CSNK2A2: variants seen among roughly 807,000 people sequenced by gnomAD.
CSNK2A2 encodes the protein casein kinase 2 alpha 2, also known as casein kinase II subunit alpha'.
In CSNK2A2, 8 loss-of-function variants were observed where a neutral mutation model predicts 54.0. That is an observed-to-expected ratio of 0.15 (90% CI 0.09 to 0.27). CSNK2A2 has a LOEUF of 0.27. Among genes scored for constraint, CSNK2A2 ranks in the 10% least tolerant of loss-of-function variants. The pLI is 1.00. For synonymous variants in CSNK2A2, 141 were observed against 153.9 expected (o/e 0.92, Z 0.62); for missense variants, 242 against 439.4 (o/e 0.55, Z 4.02).
At position 58,167,215 on chromosome 16, in the gene CSNK2A2, A is replaced by G. The variant is rs1214155978; in HGVS notation, c.718T>C (p.Tyr240His). 3.1e-6 allele frequency: 5 copies of G among 1,610,892 alleles called. No homozygotes were observed. The African/African-American group carries it at 6.7e-5, about 22-fold the overall frequency. ...REPFFHGQDN[Y>H]DQLVRIAKVL... ...AGAAAGCATTTGCTCACCTGGTCAT[A>G]GTTGTCCTGTCCATGGAAGAATGGT... Residue 240 changes from tyrosine to histidine, a missense_variant, in exon 8 of 12, where the codon TAT (tyrosine) becomes CAT (histidine). Transcript: ENST00000262506.
At chr16:58,182,249 G>T (rs1962060324) in intron 4 of CSNK2A2, among the ~76,000 whole-genome samples, 2 of 151,592 alleles carry the variant, frequency 1.3e-5, no homozygotes, top group Non-Finnish European at 2.9e-5. Context: ...ACAGAAAATG[G>T]GCTAGGTGCG....
intron 5 of CSNK2A2, 140 bp from the exon 6 acceptor site, chr16:58,168,833 A>C: frequency 3.1e-6 from 2 of 642,014 alleles, no homozygotes; most frequent in Non-Finnish European, 5.4e-6. Context: ...GAAAGAGAAA[A>C]AAAGCGTGCT....
chr16:58,188,522 A>G (rs1173862008), intron 2 of CSNK2A2, among the ~76,000 whole-genome samples: 1 of 152,258 alleles, frequency 6.6e-6, no homozygotes, highest in Non-Finnish European at 1.5e-5. Context: ...AACTGAATGT[A>G]ACACATGACT....
chr16:58,174,831 T>A (rs147733692), intron 4 of CSNK2A2, among the ~76,000 whole-genome samples: 1 of 152,300 alleles, frequency 6.6e-6, no homozygotes, highest in African/African-American at 2.4e-5. Context: ...AAGTCTAAGT[T>A]GTCTGTCTTC....
At chr16:58,171,100 T>C (rs879568677) in intron 5 of CSNK2A2, among the ~76,000 whole-genome samples, 5 of 152,094 alleles carry the variant, frequency 3.3e-5, no homozygotes, top group Non-Finnish European at 5.9e-5. Flanking sequence ...AACTAGACTC[T>C]TGAGGACACT....
At chr16:58,174,213 G>C (rs1422540987) in intron 5 of CSNK2A2, 1 of 378,168 alleles carries the variant, frequency 2.6e-6, no homozygotes, top group Non-Finnish European at 4.7e-6. Flanking sequence ...CAAGAGCTAT[G>C]GGAGGTTCTA....
chr16:58,187,933 A>G (rs1962232342), intron 2 of CSNK2A2, among the ~76,000 whole-genome samples: 1 of 152,218 alleles, frequency 6.6e-6, no homozygotes, highest in Admixed American at 6.5e-5. Flanking sequence ...CTAAGGAAAA[A>G]AGAGTATTTT....
intron 11 of CSNK2A2, chr16:58,159,811 T>A (rs1407322914): frequency 6.6e-6 from 1 of 152,206 alleles, no homozygotes; most frequent in African/African-American, 2.4e-5. Flanking sequence ...AGTTTTCCAC[T>A]AGTTGTCAAG....
chr16:58,191,363 T>G (rs1369307587), intron 2 of CSNK2A2, among the ~76,000 whole-genome samples: 4 of 151,832 alleles, frequency 2.6e-5, no homozygotes, highest in East Asian at 1.9e-4. Flanking sequence ...TTTATGTTAT[T>G]TTATTTTATT....
At chr16:58,168,374 C>T (rs1449427124) in intron 6 of CSNK2A2, among the ~76,000 whole-genome samples, 6 of 152,174 alleles carry the variant, frequency 3.9e-5, no homozygotes, top group Non-Finnish European at 7.4e-5. Flanking sequence ...CTCCAGAAAA[C>T]TATGACCAAA....
At chr16:58,193,044 T>G (rs1962355193) in intron 2 of CSNK2A2, among the ~76,000 whole-genome samples, 4 of 152,250 alleles carry the variant, frequency 2.6e-5, no homozygotes, top group African/African-American at 7.2e-5. Context: ...TTTTTAATGT[T>G]AGCAATACTT....
chr16:58,185,921 C>T (rs1475688626), intron 3 of CSNK2A2, among the ~76,000 whole-genome samples: 3 of 152,218 alleles, frequency 2.0e-5, no homozygotes, highest in African/African-American at 7.2e-5. Flanking sequence ...TTGGAATGTG[C>T]CCAGCACATA....
chr16:58,166,752 C>A, intron 8 of CSNK2A2, 68 bp from the exon 9 acceptor site: 1 of 1,117,156 alleles, frequency 9.0e-7, no homozygotes. Flanking sequence ...GAGGACACTG[C>A]ACCAAGGAAT....
rs376980260 is a variant in CSNK2A2, at chr16:58,167,327, C to T, written c.625-19G>A. The T allele has an allele frequency of 7.0e-6, 11 of 1,563,662 alleles. No homozygotes were observed. The highest frequency in any genetic ancestry group is 1.1e-5 in the South Asian group (1 of 87,890). ...CATACATCTGAGGCAATAAGGACAA[C>T]GCATTAGCCAAGGGTATTAGAAATC... On this transcript the variant is annotated intron_variant, in intron 7 of 11. Coordinates refer to ENST00000262506, the MANE Select transcript of CSNK2A2 (RefSeq NM_001896.4).
chr16:58,181,550 A>G (rs1409305665), intron 4 of CSNK2A2, among the ~76,000 whole-genome samples: 1 of 152,210 alleles, frequency 6.6e-6, no homozygotes, highest in East Asian at 1.9e-4. Flanking sequence ...AAACTCACAC[A>G]CAAAGAAAAA....
At chr16:58,168,875 T>C (rs1961648988) in intron 5 of CSNK2A2, among the ~76,000 whole-genome samples, 182 bp from the exon 6 acceptor site, 1 of 151,834 alleles carries the variant, frequency 6.6e-6, no homozygotes, top group Admixed American at 6.6e-5. Flanking sequence ...CTCTGCACAC[T>C]ACAGCTGGTA....
chr16:58,184,415 G>C, intron 3 of CSNK2A2, 105 bp from the exon 4 acceptor site: 4 of 720,036 alleles, frequency 5.6e-6, no homozygotes, highest in Admixed American at 5.0e-5. Context: ...GTAACACAGG[G>C]ATTCACTCAT....
chr16:58,191,686 A>AT (rs11406995), intron 2 of CSNK2A2, among the ~76,000 whole-genome samples: 46,067 of 151,498 alleles, frequency 0.3, 7,286 homozygotes, highest in African/African-American at 0.39. Flanking sequence ...TTTTAACACA[A>AT]TTTTTTTTTA....
chr16:58,167,394 G>T, intron 7 of CSNK2A2, 86 bp from the exon 8 acceptor site: 4 of 960,074 alleles, frequency 4.2e-6, no homozygotes, highest in South Asian at 1.8e-5. Context: ...GAGATTGGGC[G>T]TGTTCAGGGT....
Sources: gnomAD v4.1 joint callset for allele counts (sites outside exome capture counted in the v4.1 genomes callset) on GRCh38, gnomAD v4.1.1 for gene constraint, MANE v1.5 for transcripts, NCBI Gene and HGNC (gene_info 2026-07-23, HGNC 2026-07-21) for gene names.